The following ZDHHC11B variants were observed in gnomAD, a reference collection of about 807,000 sequenced individuals.
ZDHHC11B encodes the protein probable palmitoyltransferase ZDHHC11B.
In ZDHHC11B, 17 loss-of-function variants were observed where a neutral mutation model predicts 42.3. The observed-to-expected ratio is 0.40, with a 90% CI of 0.27 to 0.60. The LOEUF is 0.60. Among genes scored for constraint, ZDHHC11B ranks in the 20% least tolerant of loss-of-function variants. ZDHHC11B has a pLI of 0.41. For synonymous variants in ZDHHC11B, 123 were observed against 193.5 expected (o/e 0.64, Z 3.02); for missense variants, 262 against 463.2 (o/e 0.57, Z 3.99).
At chr5:728,823 A>G (rs1742786511) in intron 12 of ZDHHC11B, among the ~76,000 whole-genome samples, 2 of 151,764 alleles carry the variant, frequency 1.3e-5, no homozygotes, top group Non-Finnish European at 1.5e-5. Context: ...GGAGTTCGAG[A>G]CCAGTGTGGG....
intron 3 of ZDHHC11B, 120 bp downstream of exon 3, chr5:767,272 C>T (rs1308479965): frequency 3.0e-5 from 36 of 1,194,844 alleles, no homozygotes; most frequent in African/African-American, 4.5e-5. Flanking sequence ...CCTGAGCTGC[C>T]ATCTGGACGG....
intron 1 of ZDHHC11B, among the ~76,000 whole-genome samples, chr5:778,619 C>G (rs1254813327): frequency 1.3e-5 from 2 of 152,132 alleles, no homozygotes; most frequent in African/African-American, 4.8e-5. Flanking sequence ...CTGCAGGCAG[C>G]TGGGACCAGG....
At chr5:736,014 A>C (rs1743474726) in intron 10 of ZDHHC11B, among the ~76,000 whole-genome samples, 2 of 149,978 alleles carry the variant, frequency 1.3e-5, no homozygotes, top group African/African-American at 4.9e-5. Context: ...CCATCTAAAA[A>C]ATACAGAGTG....
chr5:773,415 G>A lies in ZDHHC11B; in HGVS notation c.-229-4485C>T, dbSNP rs568486734. 4.6e-5 allele frequency among the ~76,000 whole-genome samples: 7 copies of A among 151,958 alleles called. No individual in the cohort carries two copies. In the South Asian group the frequency reaches 8.3e-4, roughly 18 times the overall value. On this transcript the variant is annotated intron_variant, in intron 1 of 13. Transcript: ENST00000508859. Reference sequence around the variant, plus strand: ...CTCCAGGAAGACAAACTGCTCACATGGGGTCCAAGGACAAGCTCCCAGGCG... The same window carrying A: ...CTCCAGGAAGACAAACTGCTCACATAGGGTCCAAGGACAAGCTCCCAGGCG...
In ZDHHC11B at chr5:769,594, G is replaced by A. The variant is rs377769; in HGVS notation, c.-229-664C>T. 6.6e-5 allele frequency among the ~76,000 whole-genome samples: 10 copies of A among 151,986 alleles called. 1 individual carries two copies. In the South Asian group the frequency reaches 8.3e-4, roughly 13 times the overall value. ...AGAGGCAACCCGTGCCAGGCTGCAC[G>A]TTCCTCACGCGAGCCCGCGAGTGCG... On this transcript the variant is annotated intron_variant, in intron 1 of 13. Transcript: ENST00000508859.
intron 1 of ZDHHC11B, among the ~76,000 whole-genome samples, chr5:770,276 T>C (rs1291093362): frequency 6.7e-6 from 1 of 150,056 alleles, no homozygotes; most frequent in African/African-American, 2.4e-5. Context: ...CTCAGACCCT[T>C]GGAGCCAGCT....
chr5:759,124 C>T (rs1309785706), intron 4 of ZDHHC11B, among the ~76,000 whole-genome samples: 1 of 151,860 alleles, frequency 6.6e-6, no homozygotes, highest in East Asian at 1.9e-4. Context: ...TCCCTTTCAT[C>T]ACCCAAACTG....
At chr5:719,791 G>A (rs1402985064) in intron 12 of ZDHHC11B, among the ~76,000 whole-genome samples, 1 of 151,872 alleles carries the variant, frequency 6.6e-6, no homozygotes, top group African/African-American at 2.4e-5. Context: ...TGTGTTTTCT[G>A]CACTTTCAGT....
chr5:767,085 G>T (rs115337100), intron 3 of ZDHHC11B, 166 bp from the exon 4 acceptor site: 5 of 945,804 alleles, frequency 5.3e-6, no homozygotes, highest in Non-Finnish European at 6.3e-6. Flanking sequence ...AGGGAGCAGG[G>T]GTTGGGCTGG....
chr5:730,556 A>G (rs1380601563), intron 11 of ZDHHC11B, 88 bp from the exon 12 acceptor site: 2 of 1,372,316 alleles, frequency 1.5e-6, no homozygotes, highest in Non-Finnish European at 2.0e-6. Flanking sequence ...CAAGTTCATT[A>G]CTAGTCAGTT....
chr5:766,436 G>A (rs1237499821), intron 4 of ZDHHC11B, among the ~76,000 whole-genome samples: 1 of 151,900 alleles, frequency 6.6e-6, no homozygotes, highest in Non-Finnish European at 1.5e-5. Flanking sequence ...CTGACATAGG[G>A]TCAGTGGCTG....
intron 1 of ZDHHC11B, among the ~76,000 whole-genome samples, chr5:773,200 G>A (rs1202108838): frequency 5.3e-5 from 8 of 151,900 alleles, no homozygotes; most frequent in Non-Finnish European, 8.8e-5. Flanking sequence ...CTACCTTGGC[G>A]CTCTCCACCG....
At chr5:737,140 G>A (rs1340083157) in intron 10 of ZDHHC11B, among the ~76,000 whole-genome samples, 1 of 149,396 alleles carries the variant, frequency 6.7e-6, no homozygotes, top group African/African-American at 2.5e-5. Context: ...TAGCACAACT[G>A]ATACCACAGG....
intron 1 of ZDHHC11B, among the ~76,000 whole-genome samples, chr5:784,306 G>A (rs1455596108): frequency 8.6e-5 from 13 of 151,890 alleles, no homozygotes; most frequent in African/African-American, 2.9e-4. Flanking sequence ...CCAGCCCCGG[G>A]CTGGGCAGGG....
At chr5:762,992 G>T (rs77920685) in intron 4 of ZDHHC11B, among the ~76,000 whole-genome samples, 9,478 of 146,828 alleles carry the variant, frequency 0.065, 32 homozygotes, top group East Asian at 0.13. Context: ...CCTACAGATG[G>T]GAAAAGGATT....
At chr5:728,588 T>C (rs1468518925) in intron 12 of ZDHHC11B, among the ~76,000 whole-genome samples, 1 of 151,992 alleles carries the variant, frequency 6.6e-6, no homozygotes, top group Non-Finnish European at 1.5e-5. Flanking sequence ...CTATGCCATA[T>C]TGTTGAAGAA....
intron 11 of ZDHHC11B, chr5:732,310 C>T (rs1239903973): frequency 1.6e-5 from 3 of 187,046 alleles, no homozygotes; most frequent in East Asian, 1.6e-4. Context: ...CTGCTTCAGA[C>T]CAGGCCTCAT....
chr5:766,638 C>T, intron 4 of ZDHHC11B, 60 bp downstream of exon 4: 1 of 1,506,052 alleles, frequency 6.6e-7, no homozygotes, highest in Non-Finnish European at 9.0e-7. Flanking sequence ...ACAGCCAGGT[C>T]CATCGCAGGG....
intron 6 of ZDHHC11B, among the ~76,000 whole-genome samples, chr5:753,819 C>T (rs1746120730): frequency 6.8e-6 from 1 of 147,674 alleles, no homozygotes; most frequent in South Asian, 2.3e-4. Flanking sequence ...GGGCAGGGAC[C>T]CCCCGGTGCG....
Sources: allele counts gnomAD v4.1 joint callset (sites outside exome capture counted in the v4.1 genomes callset), GRCh38; gene constraint gnomAD v4.1.1; transcripts MANE v1.5; gene names NCBI Gene and HGNC (gene_info 2026-07-23, HGNC 2026-07-21).